RFX2: variants seen among roughly 807,000 people sequenced by gnomAD.
The protein encoded by RFX2 is DNA-binding protein RFX2.
In RFX2, 20 loss-of-function variants were observed where a neutral mutation model predicts 87.8. The ratio of observed to expected loss-of-function variants is 0.23; its 90% CI spans 0.16 to 0.33. RFX2 has a LOEUF of 0.33. Ranked by LOEUF, RFX2 falls within the 10% of genes least tolerant of loss-of-function variation. The probability of loss-of-function intolerance (pLI) is 1.00; values close to 1 mark genes in which losing one functional copy is unlikely to be tolerated. For synonymous variants in RFX2, 397 were observed against 431.3 expected (o/e 0.92, Z 0.98); for missense variants, 767 against 1,012.3 (o/e 0.76, Z 3.29).
At chr19:6,082,269 G>A (rs2087795568) in intron 1 of RFX2, among the ~76,000 whole-genome samples, 2 of 147,258 alleles carry the variant, frequency 1.4e-5, no homozygotes, top group Non-Finnish European at 3.0e-5. Context: ...ATTCCAGCCT[G>A]GGCAACAGAG....
intron 1 of RFX2, chr19:6,078,374 T>C (rs1418481827): frequency 6.7e-6 from 1 of 150,034 alleles, no homozygotes; most frequent in Admixed American, 6.6e-5. Context: ...TGACGACCTG[T>C]CCCCAGTGGC....
At chr19:6,003,642 G>A (rs901610383) in intron 13 of RFX2, among the ~76,000 whole-genome samples, 1 of 151,916 alleles carries the variant, frequency 6.6e-6, no homozygotes, top group Non-Finnish European at 1.5e-5. Context: ...AGCCAGGTGT[G>A]GTGGCGGGCA....
rs565024840 is a variant in RFX2 at position 5,998,080 on chromosome 19, G to A, written c.1860-867C>T. 3.0e-4 allele frequency among the ~76,000 whole-genome samples: 45 copies of A among 152,208 alleles called. No individual in the cohort carries two copies. Among genetic ancestry groups the A allele is most frequent in the African/African-American group, 1.1e-3 (44 of 41,536 alleles). On this transcript the variant is annotated intron_variant, in intron 15 of 17. Transcript: ENST00000303657. The surrounding 1 kb of genome is among the most constrained non-coding windows in gnomAD (Gnocchi z 4.2). The stretch of plus-strand genomic sequence containing the variant: ...CCCAGCACTTTGGGAGGCCAGGGCG[G>A]GCAGATCACTTGGGGTCAGGAGTTC...
intron 1 of RFX2, among the ~76,000 whole-genome samples, chr19:6,103,505 C>T (rs2088160327): frequency 6.6e-6 from 1 of 152,174 alleles, no homozygotes; most frequent in African/African-American, 2.4e-5. Context: ...GGCTCATTTC[C>T]AGACTCTGAC....
At position 6,106,288 on chromosome 19, in the gene RFX2, C is replaced by T. The variant is rs554525136; in HGVS notation, c.-9+4105G>A. 6.6e-5 allele frequency among the ~76,000 whole-genome samples: 10 copies of T among 152,150 alleles called. No individual in the cohort carries two copies. In the East Asian group the frequency reaches 1.7e-3, roughly 26 times the overall value. The stretch of plus-strand genomic sequence containing the variant: ...CCATCCAACAAAATAAGACCTTTCA[C>T]TACACCAGGCATATGTCTACATGAG... On this transcript the variant is annotated intron_variant, in intron 1 of 17. Coordinates refer to ENST00000303657, the MANE Select transcript of RFX2 (RefSeq NM_000635.4).
rs531858238 is a variant in RFX2, at chr19:6,036,974, G to A, written c.522+3006C>T. Among the ~76,000 whole-genome samples the A allele has an allele frequency of 4.3e-4, 66 of 152,254 alleles. 1 individual carries two copies. The South Asian group carries it at 0.013, about 30-fold the overall frequency. On this transcript the variant is annotated intron_variant, in intron 5 of 17. Coordinates refer to ENST00000303657, the MANE Select transcript of RFX2 (RefSeq NM_000635.4). Reference sequence around the variant, plus strand: ...AAGCAGTTATATTTGCAGGCAACAAGAAGCTCCTAGAACCAAAAAATGAGT... The same window carrying A: ...AAGCAGTTATATTTGCAGGCAACAAAAAGCTCCTAGAACCAAAAAATGAGT...
At position 5,997,917 on chromosome 19, in the gene RFX2, G is replaced by A. The variant is rs1254065506; in HGVS notation, c.1860-704C>T. On this transcript the variant is annotated intron_variant, in intron 15 of 17. Coordinates refer to ENST00000303657, the MANE Select transcript of RFX2 (RefSeq NM_000635.4). This position sits in a 1 kb window ranked among gnomAD's most constrained non-coding sequence, Gnocchi z 4.2. ...TGTCCACAGACAGTTTCACTGGCAC[G>A]CGTCATGCCCGTTCCTATGTTGTCT... Among the ~76,000 whole-genome samples, 2 of 152,148 alleles carry A rather than the reference G, an allele frequency of 1.3e-5. No individual in the cohort carries two copies. The highest frequency in any genetic ancestry group is 2.9e-5 in the Non-Finnish European group (2 of 68,020).
At chr19:6,032,732 C>G (rs551336397) in intron 5 of RFX2, among the ~76,000 whole-genome samples, 26 of 152,204 alleles carry the variant, frequency 1.7e-4, no homozygotes, top group Non-Finnish European at 3.2e-4. Context: ...CTATTTAGTT[C>G]TGCAACTTGT....
intron 6 of RFX2, among the ~76,000 whole-genome samples, chr19:6,025,501 G>A (rs1469237554): frequency 2.0e-5 from 3 of 152,098 alleles, no homozygotes; most frequent in African/African-American, 7.2e-5. Flanking sequence ...TTTTGTTGCT[G>A]TTGCTGATTT....
In RFX2 at chr19:6,023,574, C is replaced by CT. The variant is rs1269400249; in HGVS notation, c.597+2588dup. On this transcript the variant is annotated intron_variant, in intron 6 of 17. Coordinates refer to ENST00000303657, the MANE Select transcript of RFX2 (RefSeq NM_000635.4). The surrounding 1 kb of genome is among the most constrained non-coding windows in gnomAD (Gnocchi z 4.9). ...TCGAGTCACCAAGCCCGGAATCTTA[C>CT]TGATCACAGCTCATGACAGAAGGAA... Among the ~76,000 whole-genome samples, 7 of 152,200 alleles carry CT rather than the reference C, an allele frequency of 4.6e-5. No homozygotes were observed. Among genetic ancestry groups the CT allele is most frequent in the African/African-American group, 1.7e-4 (7 of 41,438 alleles).
intron 3 of RFX2, 135 bp from the exon 4 acceptor site, chr19:6,042,258 G>A: frequency 2.6e-6 from 2 of 755,452 alleles, no homozygotes; most frequent in South Asian, 1.5e-5. Flanking sequence ...CCCACAGTCG[G>A]CACGCCTAGA....
intron 7 of RFX2, among the ~76,000 whole-genome samples, chr19:6,014,850 C>T (rs1325048041): frequency 2.0e-5 from 3 of 152,272 alleles, no homozygotes; most frequent in African/African-American, 4.8e-5. Context: ...GTGGATCCAC[C>T]GCCACGCCGT....
intron 1 of RFX2, among the ~76,000 whole-genome samples, chr19:6,066,300 T>C (rs1472654130): frequency 6.6e-6 from 1 of 152,112 alleles, no homozygotes; most frequent in African/African-American, 2.4e-5. Flanking sequence ...AACCAGAAGG[T>C]GCTGGGTCCA....
Position 6,004,328 on chromosome 19 carries a change from G to A in RFX2, c.1403-30C>T. The stretch of plus-strand genomic sequence containing the variant: ...GGGATACAGACCATGATATTACCAG[G>A]GAGAAAGGCAGTGACTGGACCCTGG... On this transcript the variant is annotated intron_variant, in intron 12 of 17. Coordinates refer to ENST00000303657, the MANE Select transcript of RFX2 (RefSeq NM_000635.4). This position sits in a 1 kb window ranked among gnomAD's most constrained non-coding sequence, Gnocchi z 4.8. 2 of 1,572,476 alleles carry A rather than the reference G, an allele frequency of 1.3e-6. No homozygotes were observed. The highest frequency in any genetic ancestry group is 1.8e-6 in the Non-Finnish European group (2 of 1,142,172).
Position 6,083,552 on chromosome 19 carries a change from T to G in RFX2, c.-9+26841A>C, listed in dbSNP as rs898314287. ...CTAGATGTAGTCTGCTGACCCGTTT[T>G]TTTTTTTTTTAATTTTTATTCATTT... is the stretch of plus-strand genomic sequence containing the variant. On this transcript the variant is annotated intron_variant, in intron 1 of 17. Coordinates refer to ENST00000303657, the MANE Select transcript of RFX2 (RefSeq NM_000635.4). The surrounding 1 kb of genome is among the most constrained non-coding windows in gnomAD (Gnocchi z 4.6). Among the ~76,000 whole-genome samples, 6 of 151,792 alleles carry G rather than the reference T, an allele frequency of 4.0e-5. No homozygotes were observed. Among genetic ancestry groups the G allele is most frequent in the Non-Finnish European group, 7.4e-5 (5 of 67,994 alleles).
rs760672243 is a variant in RFX2 at position 5,998,728 on chromosome 19, A to G, written c.1860-1515T>C. Among the ~76,000 whole-genome samples, 24 of 152,102 alleles carry G rather than the reference A, an allele frequency of 1.6e-4. No homozygotes were observed. Among genetic ancestry groups the G allele is most frequent in the African/African-American group, 4.8e-4 (20 of 41,406 alleles). On this transcript the variant is annotated intron_variant, in intron 15 of 17. Transcript: ENST00000303657. The surrounding 1 kb of genome is among the most constrained non-coding windows in gnomAD (Gnocchi z 4.2). The stretch of plus-strand genomic sequence containing the variant: ...GTGTCTGGTGCGATGCTTCAGTCCA[A>G]AGTATTTCCAGAACATCGCCTGCGG...
intron 6 of RFX2, among the ~76,000 whole-genome samples, chr19:6,019,561 CTT>C (rs371545871): frequency 2.6e-4 from 27 of 102,476 alleles, no homozygotes; most frequent in African/African-American, 7.2e-4. Flanking sequence ...CTTTTATATA[CTT>C]TTTTTTTTTT....
chr19:6,069,997 G>C, intron 1 of RFX2, among the ~76,000 whole-genome samples: 1 of 151,428 alleles, frequency 6.6e-6, no homozygotes, highest in Non-Finnish European at 1.5e-5. Context: ...GGATGGGATG[G>C]GATGGGATGT....
At position 6,004,063 on chromosome 19, in the gene RFX2, G is replaced by A. The variant is rs1387523715; in HGVS notation, c.1500+138C>T. The A allele has an allele frequency of 7.1e-6, 5 of 699,420 alleles. No individual in the cohort carries two copies. Among genetic ancestry groups the A allele is most frequent in the African/African-American group, 1.7e-5 (1 of 57,386 alleles). The allele number at this position is 699,420 out of a possible 1,614,324, so 43.3% of individuals were successfully genotyped here. On this transcript the variant is annotated intron_variant, in intron 13 of 17. Coordinates refer to ENST00000303657, the MANE Select transcript of RFX2 (RefSeq NM_000635.4). The surrounding 1 kb of genome is among the most constrained non-coding windows in gnomAD (Gnocchi z 4.8). ...ACGCGTCACCGGCAGTGTGCTCAGGGCTTCCTGAAGGGATCGGTTACTCTC... is the reference window on the plus strand; with the variant it reads ...ACGCGTCACCGGCAGTGTGCTCAGGACTTCCTGAAGGGATCGGTTACTCTC...
Sources: allele counts gnomAD v4.1 joint callset (sites outside exome capture counted in the v4.1 genomes callset), GRCh38; gene constraint gnomAD v4.1.1; non-coding constraint Gnocchi (gnomAD v3.1); transcripts MANE v1.5; gene names NCBI Gene and HGNC (gene_info 2026-07-23, HGNC 2026-07-21).